Variants in CLUH observed in about 807,000 individuals in gnomAD.
CLUH encodes the protein CLUH binding protein of NUMT mRNA.
In CLUH, 77 loss-of-function variants were observed where a neutral mutation model predicts 139.3. The ratio of observed to expected loss-of-function variants is 0.55; its 90% CI spans 0.46 to 0.67. The LOEUF (loss-of-function observed/expected upper bound fraction) is 0.67, where lower values mean the gene tolerates loss of function less well. Among genes scored for constraint, CLUH ranks in the 30% least tolerant of loss-of-function variants. The pLI is 0.00. For synonymous variants in CLUH, 999 were observed against 801.6 expected, an observed-to-expected ratio of 1.25 and a Z score of -4.16; for missense variants, 1,876 against 1,875.8, an observed-to-expected ratio of 1.00 and a Z score of 0.00.
rs1443355750 is a variant in CLUH at position 2,701,082 on chromosome 17, G to A, written c.1025+58C>T. 1.4e-5 allele frequency: 22 copies of A among 1,611,320 alleles called. No homozygotes were observed. The East Asian group carries it at 2.2e-4, about 16-fold the overall frequency. ...AGAAGCACTGGAGTGCAGGTGGGCC[G>A]GCTCACCCCATGCCCCCGTGTGCCA... On this transcript the variant is annotated intron_variant, in intron 7 of 25. Transcript: ENST00000651024.
intron 23 of CLUH, 29 bp from the exon 24 acceptor site, chr17:2,691,924 C>G (rs754008556): frequency 1.4e-6 from 2 of 1,441,118 alleles, no homozygotes; most frequent in South Asian, 1.4e-5. Context: ...GGATCAGGCC[C>G]CCCCGTGCCC....
Position 2,692,621 on chromosome 17 carries a change from G to A in CLUH, c.3388C>T (p.Leu1130Phe). 1 of 1,612,916 alleles carries A rather than the reference G, an allele frequency of 6.2e-7. No individual in the cohort carries two copies. The highest frequency in any genetic ancestry group is 8.5e-7 in the Non-Finnish European group (1 of 1,179,604). Residue 1130 changes from leucine (L) to phenylalanine (F), a missense_variant, in exon 21 of 26, where the codon CTC (leucine) becomes TTC (phenylalanine). Around this residue, in one of 3 missense-constraint regions of CLUH, gnomAD observed 1,454 missense variants for 1,384.4 expected, o/e 1.05. Transcript: ENST00000651024. ...ALSLLYRARY[L>F]MLLVFGEDHP... ...TCTTCCCCGAACACCAGCAGCATGAGGTAGCGGGCGCGGTACAGCAGGCTC... is the reference window on the plus strand; with the variant it reads ...TCTTCCCCGAACACCAGCAGCATGAAGTAGCGGGCGCGGTACAGCAGGCTC...
Position 2,700,755 on chromosome 17 carries a change from C to T in CLUH, c.1096G>A (p.Glu366Lys). The stretch of plus-strand genomic sequence containing the variant: ...GCACGCACGCAATCCATGGCATGCT[C>T]CGCCTGGGGGGCTGTCCAGCTGTAC... ...QVYSWTAPQA[E>K]HAMDCVRAED... The change falls in exon 8 of 26, where the codon GAG becomes AAG. Residue 366 changes from glutamate to lysine, a missense_variant. Physicochemically the swap from Glu to Lys is moderately conservative, Grantham distance 56 (BLOSUM62 1). Transcript: ENST00000651024. 6.5e-7 allele frequency: 1 copy of T among 1,547,292 alleles called. No individual in the cohort carries two copies. Among genetic ancestry groups the T allele is most frequent in the Non-Finnish European group, 8.7e-7 (1 of 1,151,828 alleles).
rs962374256 is a variant in CLUH, at chr17:2,691,434, C to T, written c.3863+175G>A. ...AAAATGAGCCGGGCGAGGTGGCGGA[C>T]ACCTGTAATCCCAGCTACTGGGGAG... On this transcript the variant is annotated intron_variant, in intron 25 of 25. Transcript: ENST00000651024. The T allele has an allele frequency of 1.3e-5, 8 of 630,336 alleles. No individual in the cohort carries two copies. In the Admixed American group the frequency reaches 1.8e-4, roughly 15 times the overall value. The allele number at this position is 630,336 out of a possible 1,614,324, so 39.0% of individuals were successfully genotyped here. A position where few individuals can be genotyped will look rare whatever the true frequency, so the allele number is the denominator to read the frequency against.
intron 9 of CLUH, among the ~76,000 whole-genome samples, chr17:2,699,079 T>C (rs949657284): frequency 6.6e-6 from 1 of 152,048 alleles, no homozygotes; most frequent in Non-Finnish European, 1.5e-5. Context: ...AACCCCCATG[T>C]TTTGAGAATA....
Position 2,698,062 on chromosome 17 carries a change from G to T in CLUH, c.1795C>A (p.His599Asn). ...GTGCGCAGCAGGTCGAGGATGTAGT[G>T]GCGCCCGTCGTTGCCAATGATGCCC... is the stretch of plus-strand genomic sequence containing the variant. ...CKGIIGNDGR[H>N]YILDLLRTFP... Residue 599 changes from histidine (H) to asparagine (N), a missense_variant, in exon 10 of 26, where the codon CAC becomes AAC. By Grantham distance (68) the His-to-Asn change is moderately conservative. This residue lies in a region of CLUH where 1,454 missense variants were observed against 1,384.4 expected (regional missense o/e 1.05). Coordinates refer to ENST00000651024, the MANE Select transcript of CLUH (RefSeq NM_001366661.1). 1 of 1,606,646 alleles carries T rather than the reference G, an allele frequency of 6.2e-7. No individual in the cohort carries two copies.
intron 9 of CLUH, 110 bp from the exon 10 acceptor site, chr17:2,698,700 A>C (rs912297674): frequency 2.2e-5 from 22 of 1,006,324 alleles, no homozygotes; most frequent in African/African-American, 8.1e-5. Flanking sequence ...CTGCCTTGGA[A>C]ACCCAAGGAC....
chr17:2,696,011 C>T lies in CLUH; in HGVS notation c.2391+148G>A, dbSNP rs575957165. 182 of 665,950 alleles carry T rather than the reference C, an allele frequency of 2.7e-4. 1 individual carries two copies. In the South Asian group the frequency reaches 3.2e-3, roughly 12 times the overall value. 41.3% of individuals were successfully genotyped at this position (665,950 alleles called of 1,614,324 possible). ...GCCCTTGACCTCTGGGGGTCAGGCTCCCCATCTGTCAAACGGGGATGCCCA... is the reference window on the plus strand; with the variant it reads ...GCCCTTGACCTCTGGGGGTCAGGCTTCCCATCTGTCAAACGGGGATGCCCA... On this transcript the variant is annotated intron_variant, in intron 13 of 25. Transcript: ENST00000651024.
chr17:2,699,517 G>A (rs982174317), intron 9 of CLUH, among the ~76,000 whole-genome samples: 7 of 152,208 alleles, frequency 4.6e-5, no homozygotes, highest in Admixed American at 6.5e-5. Flanking sequence ...TTGCAGAGAC[G>A]AGGTTTCACC....
chr17:2,690,519 A>G lies in CLUH; in HGVS notation c.*75T>C. ...GGGCCTTGCTTCCTCTTCCGCCCGC[A>G]GGCTCGCCCCCTTCTCCCGCAGTCG... is the stretch of plus-strand genomic sequence containing the variant. On this transcript the variant is annotated 3_prime_UTR_variant, in exon 26 of 26. Coordinates refer to ENST00000651024, the MANE Select transcript of CLUH (RefSeq NM_001366661.1). 1 of 1,289,552 alleles carries G rather than the reference A, an allele frequency of 7.8e-7. No individual in the cohort carries two copies. Among genetic ancestry groups the G allele is most frequent in the Non-Finnish European group, 1.0e-6 (1 of 988,108 alleles). 79.9% of individuals were successfully genotyped at this position (1,289,552 alleles called of 1,614,324 possible). A position where few individuals can be genotyped will look rare whatever the true frequency, so the allele number is the denominator to read the frequency against.
chr17:2,707,995 C>T lies in CLUH; in HGVS notation c.101-3431G>A. The T allele has an allele frequency of 1.0e-6, 1 of 985,342 alleles. No individual in the cohort carries two copies. The allele number at this position is 985,342 out of a possible 1,614,324, so 61.0% of individuals were successfully genotyped here. A position where few individuals can be genotyped will look rare whatever the true frequency, so the allele number is the denominator to read the frequency against. The stretch of plus-strand genomic sequence containing the variant: ...GGCTCCATCTTCCCTTCCCAGCAGC[C>T]CCGGCTCTGCCAGGAGGGAACCAAG... On this transcript the variant is annotated intron_variant, in intron 1 of 25. Coordinates refer to ENST00000651024, the MANE Select transcript of CLUH (RefSeq NM_001366661.1). This position sits in a 1 kb window ranked among gnomAD's most constrained non-coding sequence, Gnocchi z 7.4.
intron 23 of CLUH, 32 bp from the exon 24 acceptor site, chr17:2,691,927 C>A (rs1253953977): frequency 3.5e-6 from 4 of 1,156,306 alleles, no homozygotes; most frequent in East Asian, 4.1e-5. Context: ...TCAGGCCCCC[C>A]CGTGCCCCCG....
chr17:2,711,330 G>C (rs968846452), intron 1 of CLUH: 1 of 152,222 alleles, frequency 6.6e-6, no homozygotes, highest in African/African-American at 2.4e-5. Flanking sequence ...TGTGCCCGCC[G>C]AGGGTGCCAG....
rs1277455668 is a variant in CLUH, at chr17:2,707,432, CAGA to C, written c.101-2871_101-2869del. The C allele has an allele frequency of 2.0e-6, 2 of 985,312 alleles. No individual in the cohort carries two copies. The highest frequency in any genetic ancestry group is 2.4e-6 in the Non-Finnish European group (2 of 829,932). 61.0% of individuals were successfully genotyped at this position (985,312 alleles called of 1,614,324 possible). On this transcript the variant is annotated intron_variant, in intron 1 of 25. Coordinates refer to ENST00000651024, the MANE Select transcript of CLUH (RefSeq NM_001366661.1). The surrounding 1 kb of genome is among the most constrained non-coding windows in gnomAD (Gnocchi z 7.4). ...GCCTGGCATCCCGCTCAAGGTCGGC[CAGA>C]AGGACGGCTGTGGGCCAGGAGAACC... is the stretch of plus-strand genomic sequence containing the variant.
intron 19 of CLUH, among the ~76,000 whole-genome samples, chr17:2,693,269 G>A (rs2069786981): frequency 2.0e-5 from 3 of 151,440 alleles, no homozygotes; most frequent in Admixed American, 6.6e-5. Flanking sequence ...GCTGGCTCAC[G>A]CCTGTAATCC....
At position 2,698,385 on chromosome 17, in the gene CLUH, A is replaced by G; in HGVS notation, c.1472T>C (p.Leu491Pro). ...CGCGTTGTACGTGCGGACGCCATTC[A>G]GGTCGTTGGTGGGCGCCACGTAGGC... Reference protein sequence around the residue: ...VAAYVAPTNDLNGVRTYNAVD... With the variant: ...VAAYVAPTNDPNGVRTYNAVD... Residue 491 changes from leucine (L) to proline (P), a missense_variant, in exon 10 of 26, where the codon CTG (leucine) becomes CCG (proline). Transcript: ENST00000651024. 6.2e-7 allele frequency: 1 copy of G among 1,613,092 alleles called. No homozygotes were observed. Among genetic ancestry groups the G allele is most frequent in the African/African-American group, 1.3e-5 (1 of 75,012 alleles).
chr17:2,690,735 C>A lies in CLUH; in HGVS notation c.3906G>T (p.Arg1302=). 1 of 1,549,146 alleles carries A rather than the reference C, an allele frequency of 6.5e-7. No individual in the cohort carries two copies. The highest frequency in any genetic ancestry group is 8.6e-7 in the Non-Finnish European group (1 of 1,156,382). Residue 1302 remains arginine, a synonymous_variant, in exon 26 of 26, where the codon CGG becomes CGT. Coordinates refer to ENST00000651024, the MANE Select transcript of CLUH (RefSeq NM_001366661.1). ...TTCTGCTGGCCTCCTGGAGCTGGTG[C>A]CGCCGCGCCACCTCGGCTTTCAGAT... ...LENLKAEVAR[R]HQLQEASRNR...
rs2070530214 is a variant in CLUH, at chr17:2,711,754, AC to A, written c.-94del. Reference sequence around the variant, plus strand: ...GCGCGCCGCGGCTGCTGAGGGAAGGACGGAGTCACCGGCCCACGTGGTGCGC... The same window carrying A: ...GCGCGCCGCGGCTGCTGAGGGAAGGAGGAGTCACCGGCCCACGTGGTGCGC... On this transcript the variant is annotated 5_prime_UTR_variant, in exon 1 of 26. Coordinates refer to ENST00000651024, the MANE Select transcript of CLUH (RefSeq NM_001366661.1). 2.1e-6 allele frequency: 1 copy of A among 465,838 alleles called. No individual in the cohort carries two copies. Among genetic ancestry groups the A allele is most frequent in the Non-Finnish European group, 2.8e-6 (1 of 355,410 alleles). The allele number at this position is 465,838 out of a possible 1,614,324, so 28.9% of individuals were successfully genotyped here. A position where few individuals can be genotyped will look rare whatever the true frequency, so the allele number is the denominator to read the frequency against.
At position 2,696,960 on chromosome 17, in the gene CLUH, G is replaced by A; in HGVS notation, c.1962-18C>T. The A allele has an allele frequency of 1.3e-6, 2 of 1,521,038 alleles. No homozygotes were observed. Among genetic ancestry groups the A allele is most frequent in the Non-Finnish European group, 1.8e-6 (2 of 1,131,482 alleles). 94.2% of individuals were successfully genotyped at this position (1,521,038 alleles called of 1,614,324 possible). A position where few individuals can be genotyped will look rare whatever the true frequency, so the allele number is the denominator to read the frequency against. ...GGAGGTACCTGGAGCAGAGGAAACAGGGCAGAGCAGGAGCTGGACATCGGG... is the reference window on the plus strand; with the variant it reads ...GGAGGTACCTGGAGCAGAGGAAACAAGGCAGAGCAGGAGCTGGACATCGGG... On this transcript the variant is annotated intron_variant, in intron 10 of 25. Coordinates refer to ENST00000651024, the MANE Select transcript of CLUH (RefSeq NM_001366661.1).
Sources: gnomAD v4.1 joint callset for allele counts (sites outside exome capture counted in the v4.1 genomes callset) on GRCh38, gnomAD v4.1.1 for gene constraint, gnomAD v4.1.1 regional missense constraint, Gnocchi (gnomAD v3.1) non-coding constraint, MANE v1.5 for transcripts, NCBI Gene and HGNC (gene_info 2026-07-23, HGNC 2026-07-21) for gene names.